TAFA4: variants seen among roughly 807,000 people sequenced by gnomAD.
TAFA4 encodes chemokine-like protein TAFA-4.
Under a neutral mutation model 21.1 loss-of-function variants are expected in TAFA4, and 20 were observed. That is an observed-to-expected ratio of 0.95 (90% confidence interval 0.67 to 1.38). The LOEUF (loss-of-function observed/expected upper bound fraction) is 1.38, where lower values mean the gene tolerates loss of function less well. Ranked by LOEUF, TAFA4 falls within the 40% of genes most tolerant of loss-of-function variation. The pLI is 0.00. For synonymous variants in TAFA4, 71 were observed against 67.4 expected (o/e 1.05, Z -0.26); for missense variants, 211 against 180.9 (o/e 1.17, Z -0.95).
intron 1 of TAFA4, among the ~76,000 whole-genome samples, chr3:68,927,446 C>T (rs368557936): frequency 2.6e-5 from 4 of 152,070 alleles, no homozygotes; most frequent in Admixed American, 6.6e-5. Flanking sequence ...TTGACAGCTC[C>T]GCCTTTTGTT....
At chr3:68,790,699 A>G (rs1703345491) in intron 3 of TAFA4, among the ~76,000 whole-genome samples, 2 of 152,204 alleles carry the variant, frequency 1.3e-5, no homozygotes, top group Non-Finnish European at 2.9e-5. Context: ...CCAGGGAACA[A>G]AGTGGTACAA....
chr3:68,797,936 A>C (rs572291478), intron 3 of TAFA4, among the ~76,000 whole-genome samples: 1 of 152,328 alleles, frequency 6.6e-6, no homozygotes, highest in African/African-American at 2.4e-5. Context: ...AAATTGGTAA[A>C]ATGGTAAATT....
At position 68,733,156 on chromosome 3, in the gene TAFA4, A is replaced by G; in HGVS notation, c.412-3T>C. ...CTCTCTCTTCGCTACCGCGTTACCT[A>G]AAACAAATCAAAATAAGGGAACATT... On this transcript the variant is annotated splice_region_variant and splice_polypyrimidine_tract_variant and intron_variant, in intron 5 of 5. Transcript: ENST00000295569. 3 of 1,613,052 alleles carry G rather than the reference A, an allele frequency of 1.9e-6. No individual in the cohort carries two copies. Among genetic ancestry groups the G allele is most frequent in the African/African-American group, 1.3e-5 (1 of 74,968 alleles).
intron 1 of TAFA4, among the ~76,000 whole-genome samples, chr3:68,898,582 G>T (rs1018180604): frequency 3.3e-5 from 5 of 152,192 alleles, no homozygotes; most frequent in Admixed American, 3.3e-4. Context: ...GGAGGCAGAG[G>T]TTGCAGTGAG....
At chr3:68,899,507 TC>T (rs1183723202) in intron 1 of TAFA4, among the ~76,000 whole-genome samples, 1 of 152,116 alleles carries the variant, frequency 6.6e-6, no homozygotes, top group Non-Finnish European at 1.5e-5. Context: ...AGGAAGCCAT[TC>T]CTCCTATTCA....
chr3:68,759,500 CA>C (rs774039046), intron 3 of TAFA4, among the ~76,000 whole-genome samples: 41 of 152,204 alleles, frequency 2.7e-4, no homozygotes, highest in African/African-American at 7.9e-4. Context: ...TAAAAAGGTA[CA>C]GGGGGGATGC....
intron 1 of TAFA4, among the ~76,000 whole-genome samples, chr3:68,901,411 G>A (rs752628939): frequency 6.6e-6 from 1 of 151,982 alleles, no homozygotes; most frequent in African/African-American, 2.4e-5. Context: ...GAAGAAATGA[G>A]CCCCCAGAAA....
At chr3:68,768,937 G>A (rs1702904013) in intron 3 of TAFA4, among the ~76,000 whole-genome samples, 1 of 152,180 alleles carries the variant, frequency 6.6e-6, no homozygotes, top group East Asian at 1.9e-4. Flanking sequence ...AAGAATAGGA[G>A]AGGGGAGAAG....
intron 3 of TAFA4, among the ~76,000 whole-genome samples, chr3:68,862,919 G>T (rs1017193765): frequency 6.6e-6 from 1 of 151,378 alleles, no homozygotes; most frequent in African/African-American, 2.4e-5. Context: ...AAATGAGTAA[G>T]AATACATTTT....
intron 3 of TAFA4, among the ~76,000 whole-genome samples, chr3:68,863,058 A>T (rs909320202): frequency 4.9e-5 from 6 of 123,066 alleles, no homozygotes; most frequent in African/African-American, 1.9e-4. Context: ...ACATAGGAAA[A>T]CCCCATCTCT....
intron 3 of TAFA4, 44 bp from the exon 4 acceptor site, chr3:68,753,062 A>C (rs1183226934): frequency 5.7e-6 from 9 of 1,583,382 alleles, no homozygotes; most frequent in Non-Finnish European, 7.8e-6. Flanking sequence ...TGCTGTTAGA[A>C]GGAAATGACA....
intron 3 of TAFA4, among the ~76,000 whole-genome samples, chr3:68,828,825 A>C (rs1704313557): frequency 6.6e-6 from 1 of 152,190 alleles, no homozygotes; most frequent in African/African-American, 2.4e-5. Context: ...ATGTGCAAAC[A>C]GAGACAATTT....
At chr3:68,740,780 C>G (rs188043133) in intron 4 of TAFA4, among the ~76,000 whole-genome samples, 84 of 152,282 alleles carry the variant, frequency 5.5e-4, no homozygotes, top group Admixed American at 1.0e-3. Context: ...CATAGTTTCA[C>G]TTCACAGATT....
At chr3:68,765,288 A>T (rs1000718852) in intron 3 of TAFA4, among the ~76,000 whole-genome samples, 4 of 152,204 alleles carry the variant, frequency 2.6e-5, no homozygotes, top group Admixed American at 2.6e-4. Context: ...TGTATAATGT[A>T]GAAATTGGTG....
At chr3:68,794,608 C>A (rs1298448403) in intron 3 of TAFA4, among the ~76,000 whole-genome samples, 1 of 152,142 alleles carries the variant, frequency 6.6e-6, no homozygotes, top group Non-Finnish European at 1.5e-5. Context: ...AAATTCCACA[C>A]TGTGTAGTGA....
In TAFA4 at chr3:68,732,195, G is replaced by T. The variant is rs971437241; in HGVS notation, c.*947C>A. On this transcript the variant is annotated 3_prime_UTR_variant, in exon 6 of 6. Coordinates refer to ENST00000295569, the MANE Select transcript of TAFA4 (RefSeq NM_182522.5). The stretch of plus-strand genomic sequence containing the variant: ...TAAGATGGCTAACACAGAAGTCACA[G>T]AAGTAGGGAAACAGCTAAGTTAAGA... 2.6e-5 allele frequency: 4 copies of T among 152,538 alleles called. No homozygotes were observed. The highest frequency in any genetic ancestry group is 9.7e-5 in the African/African-American group (4 of 41,428). The allele number at this position is 152,538 out of a possible 1,614,324, so 9.4% of individuals were successfully genotyped here.
intron 3 of TAFA4, among the ~76,000 whole-genome samples, chr3:68,810,878 A>G (rs1426686561): frequency 1.3e-5 from 2 of 152,214 alleles, no homozygotes; most frequent in East Asian, 3.9e-4. Flanking sequence ...TGCAACCTCA[A>G]GTGGGTCCCT....
intron 3 of TAFA4, among the ~76,000 whole-genome samples, chr3:68,793,942 G>A (rs75317837): frequency 0.11 from 16,224 of 152,134 alleles, 1,225 homozygotes; most frequent in African/African-American, 0.21. Context: ...GCTGTTCCAC[G>A]TACAACACAT....
chr3:68,928,402 T>C (rs1174688540), intron 1 of TAFA4, among the ~76,000 whole-genome samples: 1 of 152,200 alleles, frequency 6.6e-6, no homozygotes, highest in African/African-American at 2.4e-5. Flanking sequence ...AGGCACTAAG[T>C]ATGAAAGGGC....
Sources: gnomAD v4.1 joint callset for allele counts (sites outside exome capture counted in the v4.1 genomes callset) on GRCh38, gnomAD v4.1.1 for gene constraint, MANE v1.5 for transcripts, NCBI Gene and HGNC (gene_info 2026-07-23, HGNC 2026-07-21) for gene names.